The following RGS3 variants were observed in gnomAD, a reference collection of about 807,000 sequenced individuals.
The protein encoded by RGS3 is regulator of G-protein signalling 3.
Under a neutral mutation model 132.6 loss-of-function variants are expected in RGS3, and 80 were observed. That is an observed-to-expected ratio of 0.60 (90% CI 0.50 to 0.73). The LOEUF is 0.73. Ranked by LOEUF, RGS3 falls within the 30% of genes least tolerant of loss-of-function variation. The pLI, the probability that RGS3 is intolerant of heterozygous loss-of-function variation, is 0.00. For missense variants in RGS3, 1,382 were observed against 1,530.8 expected (o/e 0.90, Z 1.62); for synonymous variants, 598 against 620.6 (o/e 0.96, Z 0.54).
chr9:113,576,447 T>A lies in RGS3; in HGVS notation c.2038-7003T>A, dbSNP rs567201251. On this transcript the variant is annotated intron_variant, in intron 19 of 24. Transcript: ENST00000350696. ...CTGGGGTTCAAGCCATTCTCCTGCC[T>A]CAGCCTCCCGAGTAGCTAGGATTAC... is the stretch of plus-strand genomic sequence containing the variant. 4.0e-5 allele frequency among the ~76,000 whole-genome samples: 6 copies of A among 151,124 alleles called. No homozygotes were observed. In the South Asian group the frequency reaches 1.3e-3, roughly 32 times the overall value.
Position 113,584,288 on chromosome 9 carries a change from A to G in RGS3, c.2876A>G (p.Asp959Gly), listed in dbSNP as rs200934322. 5.3e-5 allele frequency: 86 copies of G among 1,610,922 alleles called. No homozygotes were observed. Among genetic ancestry groups the G allele is most frequent in the Non-Finnish European group, 6.9e-5 (81 of 1,179,446 alleles). ...CCCCGAGGGCCCTGCTTTGCCTCCG[A>G]CACCACCTTGCACTGCTCAGACGGT... The change falls in exon 20 of 25, where the codon GAC becomes GGC. Residue 959 changes from aspartate (D) to glycine (G), a missense_variant. Coordinates refer to ENST00000350696, the Ensembl canonical transcript of RGS3.
intron 9 of RGS3, 72 bp downstream of exon 7, chr9:113,497,476 A>C (rs1564487663): frequency 1.6e-6 from 2 of 1,284,518 alleles, no homozygotes; most frequent in Non-Finnish European, 1.1e-6. Context: ...TAGCGGCATC[A>C]GTACTGGTAT....
chr9:113,456,608 C>T (rs759136211), upstream of RGS3, among the ~76,000 whole-genome samples: 2 of 151,844 alleles, frequency 1.3e-5, no homozygotes, highest in African/African-American at 2.4e-5. Flanking sequence ...TTTTTGCTTC[C>T]GACCCTCATG....
chr9:113,465,921 C>G (rs1044059429), intron 3 of RGS3, among the ~76,000 whole-genome samples: 3 of 152,160 alleles, frequency 2.0e-5, no homozygotes, highest in Admixed American at 6.5e-5. Context: ...GTCGTGGTGC[C>G]CCTCTTTCAG....
At chr9:113,541,010 T>C (rs891815377) in intron 19 of RGS3, among the ~76,000 whole-genome samples, 6 of 152,332 alleles carry the variant, frequency 3.9e-5, no homozygotes, top group African/African-American at 1.4e-4. Flanking sequence ...GCCTTGTTCA[T>C]TGAAGCTGCT....
exon 20 of RGS3, chr9:113,584,426 A>C (rs1465036115): frequency 5.3e-6 from 8 of 1,507,848 alleles, no homozygotes; most frequent in Non-Finnish European, 7.0e-6. Flanking sequence ...GGACACAGGA[A>C]GGTGAGAAAG....
At chr9:113,532,197 G>A (rs1832497747) in intron 18 of RGS3, among the ~76,000 whole-genome samples, 1 of 152,216 alleles carries the variant, frequency 6.6e-6, no homozygotes, top group South Asian at 2.1e-4. Flanking sequence ...GCTATTGAGG[G>A]CACAGTGGGC....
At chr9:113,461,712 A>G in exon 2 of RGS3, 1 of 1,613,692 alleles carries the variant, frequency 6.2e-7, no homozygotes, top group East Asian at 2.2e-5. Context: ...CCTAGGTCAC[A>G]TTCAGACAGC....
chr9:113,474,920 A>G (rs1293285577), intron 3 of RGS3, among the ~76,000 whole-genome samples: 3 of 152,004 alleles, frequency 2.0e-5, no homozygotes, highest in African/African-American at 4.8e-5. Context: ...TTTTCTGAGT[A>G]TGTCTCTTTC....
intron 7 of RGS3, among the ~76,000 whole-genome samples, chr9:113,488,003 T>C (rs142935314): frequency 1.3e-5 from 2 of 152,254 alleles, no homozygotes; most frequent in Admixed American, 1.3e-4. Flanking sequence ...TGTCTGGCCA[T>C]TGGGAGATAC....
intron 3 of RGS3, among the ~76,000 whole-genome samples, chr9:113,464,926 G>C (rs910376245): frequency 6.6e-6 from 1 of 152,114 alleles, no homozygotes; most frequent in Non-Finnish European, 1.5e-5. Flanking sequence ...TTTTTCCTTA[G>C]GGGTAGAGGG....
intron 15 of RGS3, among the ~76,000 whole-genome samples, chr9:113,516,967 C>G (rs551613296): frequency 3.3e-5 from 5 of 152,244 alleles, no homozygotes; most frequent in Admixed American, 6.5e-5. Flanking sequence ...GCTTAGGGAG[C>G]TTCCTCTGGG....
chr9:113,594,621 C>A, intron 22 of RGS3, 90 bp downstream of exon 20: 3 of 1,086,690 alleles, frequency 2.8e-6, no homozygotes, highest in Non-Finnish European at 4.1e-6. Flanking sequence ...GGGGAAGGGG[C>A]TTGCCGGCTT....
At chr9:113,584,081 A>G (rs1053070640) in exon 20 of RGS3, 1 of 1,613,910 alleles carries the variant, frequency 6.2e-7, no homozygotes, top group Non-Finnish European at 8.5e-7. Context: ...GAGGTGGAGG[A>G]GGGGGAGGAA....
intron 19 of RGS3, among the ~76,000 whole-genome samples, chr9:113,540,867 A>G (rs1241537305): frequency 6.6e-6 from 1 of 152,244 alleles, no homozygotes; most frequent in Admixed American, 6.5e-5. Flanking sequence ...TGGATGGATT[A>G]AGAGGCTTCT....
At chr9:113,450,651 C>T (rs143114657) in intron 1 of RGS3, among the ~76,000 whole-genome samples, 110 of 151,842 alleles carry the variant, frequency 7.2e-4, no homozygotes, top group Non-Finnish European at 1.3e-3. Flanking sequence ...CAGCAATAGG[C>T]GTGCATGAGC....
chr9:113,522,886 A>G (rs1258765805), intron 16 of RGS3, 44 bp from the exon 15 acceptor site: 2 of 1,314,922 alleles, frequency 1.5e-6, no homozygotes, highest in African/African-American at 2.9e-5. Context: ...CAGCCTCCAG[A>G]GGACAGCAAA....
At chr9:113,515,526 G>A (rs1179843534) in intron 15 of RGS3, among the ~76,000 whole-genome samples, 3 of 152,156 alleles carry the variant, frequency 2.0e-5, no homozygotes, top group East Asian at 3.9e-4. Flanking sequence ...AGCTATTCGG[G>A]AGGCTGAGGC....
At position 113,591,987 on chromosome 9, in the gene RGS3, AC is replaced by A. The variant is rs1162860370; in HGVS notation, c.3080+593del. ...GTCTTCTTCTACCCCCAGGCCTAAG[AC>A]CCTGGAGACTCGGGGGAGGTATAGG... is the stretch of plus-strand genomic sequence containing the variant. On this transcript the variant is annotated intron_variant, in intron 21 of 24. Transcript: ENST00000350696. This position sits in a 1 kb window ranked among gnomAD's most constrained non-coding sequence, Gnocchi z 4.4. 1.3e-5 allele frequency: 2 copies of A among 153,722 alleles called. No homozygotes were observed. The highest frequency in any genetic ancestry group is 4.8e-5 in the African/African-American group (2 of 41,408). 9.5% of individuals were successfully genotyped at this position (153,722 alleles called of 1,614,324 possible). A position where few individuals can be genotyped will look rare whatever the true frequency, so the allele number is the denominator to read the frequency against.
Sources: allele counts gnomAD v4.1 joint callset (sites outside exome capture counted in the v4.1 genomes callset), GRCh38; gene constraint gnomAD v4.1.1; non-coding constraint Gnocchi (gnomAD v3.1); transcripts MANE v1.5; gene names NCBI Gene and HGNC (gene_info 2026-07-23, HGNC 2026-07-21).